Variants in ACAN observed in about 807,000 individuals in gnomAD.
The protein encoded by ACAN is aggrecan core protein.
Under a neutral mutation model 169.1 loss-of-function variants are expected in ACAN, and 47 were observed. The observed-to-expected ratio is 0.28, with a 90% CI of 0.22 to 0.35. ACAN has a LOEUF of 0.35. Ranked by LOEUF, ACAN falls within the 10% of genes least tolerant of loss-of-function variation. The probability of loss-of-function intolerance (pLI) is 1.00; values close to 1 mark genes in which losing one functional copy is unlikely to be tolerated. For missense variants in ACAN, 2,716 were observed against 2,759.9 expected (o/e 0.98, Z 0.36); for synonymous variants, 1,115 against 1,112.2 (o/e 1.00, Z -0.05).
intron 9 of ACAN, 96 bp downstream of exon 9, chr15:88,848,134 A>C: frequency 2.0e-6 from 3 of 1,504,378 alleles, no homozygotes; most frequent in Middle Eastern, 1.8e-4. Context: ...GTTACCACCC[A>C]CCCACCCCTG....
Position 88,843,418 on chromosome 15 carries a change from G to T in ACAN, c.821G>T (p.Arg274Leu). ...FTFQEAANECRRLGARLATTG... is the reference protein window; with the variant it reads ...FTFQEAANECLRLGARLATTG... ...TTCCAGGAAGCAGCCAATGAGTGCCGGCGGCTGGGTGCCCGGCTGGCCACC... is the reference window on the plus strand; with the variant it reads ...TTCCAGGAAGCAGCCAATGAGTGCCTGCGGCTGGGTGCCCGGCTGGCCACC... The change falls in exon 6 of 19, where the codon CGG (arginine) becomes CTG (leucine). Residue 274 changes from arginine to leucine, a missense_variant. This residue lies in a region of ACAN where 1,283 missense variants were observed against 1,281.5 expected (regional missense o/e 1.00). Coordinates refer to ENST00000560601, the MANE Select transcript of ACAN (RefSeq NM_001369268.1). This position sits in a 1 kb window ranked among gnomAD's most constrained non-coding sequence, Gnocchi z 4.0. 6.2e-7 allele frequency: 1 copy of T among 1,604,346 alleles called. No individual in the cohort carries two copies. The highest frequency in any genetic ancestry group is 8.5e-7 in the Non-Finnish European group (1 of 1,172,884).
rs543193177 is a variant in ACAN at position 88,870,377 on chromosome 15, G to T, written c.7061-1005G>T. On this transcript the variant is annotated intron_variant, in intron 14 of 18. Coordinates refer to ENST00000560601, the MANE Select transcript of ACAN (RefSeq NM_001369268.1). This position sits in a 1 kb window ranked among gnomAD's most constrained non-coding sequence, Gnocchi z 6.3. ...AGATCCCAGGGGAAGAAGGAAGAAG[G>T]GGGGCCTTGGAATTCACTCTGTCCC... 1.3e-5 allele frequency among the ~76,000 whole-genome samples: 2 copies of T among 152,344 alleles called. No homozygotes were observed. Among genetic ancestry groups the T allele is most frequent in the East Asian group, 3.9e-4 (2 of 5,176 alleles).
rs1896558229 is a variant in ACAN at position 88,838,358 on chromosome 15, G to C, written c.71-305G>C. Among the ~76,000 whole-genome samples the C allele has an allele frequency of 6.6e-6, 1 of 152,096 alleles. No homozygotes were observed. Among genetic ancestry groups the C allele is most frequent in the African/African-American group, 2.4e-5 (1 of 41,420 alleles). ...TGCCCACTGCAGTACCCCAGTTTGA[G>C]AAACAGGGAGTTGGTCCTGACTCTG... On this transcript the variant is annotated intron_variant, in intron 2 of 18. Coordinates refer to ENST00000560601, the MANE Select transcript of ACAN (RefSeq NM_001369268.1). The surrounding 1 kb of genome is among the most constrained non-coding windows in gnomAD (Gnocchi z 5.1).
At position 88,855,469 on chromosome 15, in the gene ACAN, G is replaced by A. The variant is rs1897033888; in HGVS notation, c.2884G>A (p.Val962Ile). The A allele has an allele frequency of 2.5e-6, 4 of 1,613,348 alleles. No homozygotes were observed. The highest frequency in any genetic ancestry group is 8.5e-7 in the Non-Finnish European group (1 of 1,179,748). ...TCTCAGTGGACTTCCTTCTGGAGAA[G>A]TTCTAGAGACCTCTGCCTCTGGAGT... ...GDLSGLPSGE[V>I]LETSASGVGD... The change falls in exon 12 of 19, where the codon GTT (valine) becomes ATT (isoleucine). Residue 962 changes from valine to isoleucine, a missense_variant. Transcript: ENST00000560601.
rs1203242844 is a variant in ACAN at position 88,874,184 on chromosome 15, T to C, written c.7630+160T>C. On this transcript the variant is annotated intron_variant, in intron 18 of 18. Transcript: ENST00000560601. The surrounding 1 kb of genome is among the most constrained non-coding windows in gnomAD (Gnocchi z 7.3). ...AGTCACAAATAGCTGACCACTGCCC[T>C]TAGAAGGGCCACGTACTTGTCCCAG... The C allele has an allele frequency of 6.4e-6, 7 of 1,097,200 alleles. No homozygotes were observed. The highest frequency in any genetic ancestry group is 2.9e-4 in the Middle Eastern group (1 of 3,504). The allele number at this position is 1,097,200 out of a possible 1,614,324, so 68.0% of individuals were successfully genotyped here.
chr15:88,852,136 C>A, intron 11 of ACAN, 103 bp downstream of exon 11: 1 of 1,463,702 alleles, frequency 6.8e-7, no homozygotes, highest in Non-Finnish European at 9.1e-7. Flanking sequence ...GGGATTTGTG[C>A]TGTTTCCCCA....
rs1026824045 is a variant in ACAN, at chr15:88,803,665, G to C, written c.-152G>C. 1 of 152,044 alleles carries C rather than the reference G, an allele frequency of 6.6e-6. No individual in the cohort carries two copies. The highest frequency in any genetic ancestry group is 1.5e-5 in the Non-Finnish European group (1 of 68,026). 9.4% of individuals were successfully genotyped at this position (152,044 alleles called of 1,614,324 possible). On this transcript the variant is annotated 5_prime_UTR_variant, in exon 1 of 19. Coordinates refer to ENST00000560601, the MANE Select transcript of ACAN (RefSeq NM_001369268.1). ...GAGGGGACCTGCGGACAGGACGCCG[G>C]CAGGAGGAGGGGTGCGCAGCGCCCG... is the stretch of plus-strand genomic sequence containing the variant.
At position 88,871,914 on chromosome 15, in the gene ACAN, C is replaced by A; in HGVS notation, c.7220-89C>A. Reference sequence around the variant, plus strand: ...AGGAGCCCACCCACCTCCTTTCCTCCTCCATCCCCTCTGCCTCCGTGAGCT... The same window carrying A: ...AGGAGCCCACCCACCTCCTTTCCTCATCCATCCCCTCTGCCTCCGTGAGCT... On this transcript the variant is annotated intron_variant, in intron 15 of 18. Transcript: ENST00000560601. The surrounding 1 kb of genome is among the most constrained non-coding windows in gnomAD (Gnocchi z 7.8). 8.3e-7 allele frequency: 1 copy of A among 1,203,698 alleles called. No homozygotes were observed. Among genetic ancestry groups the A allele is most frequent in the Non-Finnish European group, 1.2e-6 (1 of 807,168 alleles). 74.6% of individuals were successfully genotyped at this position (1,203,698 alleles called of 1,614,324 possible). A position where few individuals can be genotyped will look rare whatever the true frequency, so the allele number is the denominator to read the frequency against.
rs1897434413 is a variant in ACAN at position 88,873,649 on chromosome 15, CT to C, written c.7448-192del. On this transcript the variant is annotated intron_variant, in intron 17 of 18. Transcript: ENST00000560601. This position sits in a 1 kb window ranked among gnomAD's most constrained non-coding sequence, Gnocchi z 7.5. ...AGACCACCCCGTTTGTATTCCCTTC[CT>C]GCTGTTCTAAATTGTTGAGGAACCC... 5 of 605,100 alleles carry C rather than the reference CT, an allele frequency of 8.3e-6. No homozygotes were observed. In the South Asian group the frequency reaches 1.0e-4, roughly 13 times the overall value. The allele number at this position is 605,100 out of a possible 1,614,324, so 37.5% of individuals were successfully genotyped here. A position where few individuals can be genotyped will look rare whatever the true frequency, so the allele number is the denominator to read the frequency against.
At chr15:88,826,699 C>T (rs1029819705) in intron 1 of ACAN, among the ~76,000 whole-genome samples, 2 of 152,140 alleles carry the variant, frequency 1.3e-5, no homozygotes, top group Admixed American at 1.3e-4. Flanking sequence ...CTCTCGTGAA[C>T]TAATTAGTGA....
At position 88,873,900 on chromosome 15, in the gene ACAN, C is replaced by G. The variant is rs1414187913; in HGVS notation, c.7506C>G (p.Asp2502Glu). Residue 2502 changes from aspartate (D) to glutamate (E), a missense_variant, in exon 18 of 19, where the codon GAC becomes GAG. Asp to Glu is a conservative substitution (Grantham distance 45). Transcript: ENST00000560601. This position sits in a 1 kb window ranked among gnomAD's most constrained non-coding sequence, Gnocchi z 7.5. ...EHARTFGQKK[D>E]RYEINSLVRY... Reference sequence around the variant, plus strand: ...CCAGGACCTTCGGGCAGAAGAAGGACCGGTATGAGATCAATTCCCTGGTGC... The same window carrying G: ...CCAGGACCTTCGGGCAGAAGAAGGAGCGGTATGAGATCAATTCCCTGGTGC... 1 of 1,613,846 alleles carries G rather than the reference C, an allele frequency of 6.2e-7. No homozygotes were observed. Among genetic ancestry groups the G allele is most frequent in the South Asian group, 1.1e-5 (1 of 91,086 alleles).
intron 1 of ACAN, among the ~76,000 whole-genome samples, chr15:88,830,483 C>T (rs185089382): frequency 7.8e-4 from 118 of 152,254 alleles, no homozygotes; most frequent in African/African-American, 2.7e-3. Flanking sequence ...ACCTAGTGCT[C>T]CTAGGTGACA....
chr15:88,854,785 CA>C, intron 11 of ACAN, 66 bp from the exon 12 acceptor site: 1 of 1,349,520 alleles, frequency 7.4e-7, no homozygotes, highest in South Asian at 2.3e-5. Context: ...TTAGATTCTA[CA>C]TTTGAGCTTA....
chr15:88,830,871 A>G (rs7166268), intron 1 of ACAN, among the ~76,000 whole-genome samples: 93,785 of 151,464 alleles, frequency 0.62, 29,392 homozygotes, highest in Middle Eastern at 0.73. Context: ...ATGACGCTAC[A>G]ACGGCTGCAG....
rs764588967 is a variant in ACAN at position 88,845,805 on chromosome 15, G to C, written c.1352G>C (p.Gly451Ala). 9.7e-5 allele frequency: 151 copies of C among 1,562,186 alleles called. No homozygotes were observed. Among genetic ancestry groups the C allele is most frequent in the Non-Finnish European group, 1.3e-4 (149 of 1,153,542 alleles). Residue 451 changes from glycine to alanine, a missense_variant, in exon 7 of 19, where the codon GGC becomes GCC. Coordinates refer to ENST00000560601, the MANE Select transcript of ACAN (RefSeq NM_001369268.1). The part of the protein sequence containing the change: ...RPWGFPTPGL[G>A]PATAFTSEDL... ...TGGGGCTTTCCCACACCTGGCCTGG[G>C]CCCTGCCACGGCATTCACCAGTGAG...
In ACAN at chr15:88,868,737, G is replaced by C. The variant is rs16942400; in HGVS notation, c.7060+408G>C. Among the ~76,000 whole-genome samples the C allele has an allele frequency of 0.03, 4,537 of 152,242 alleles. 201 individuals are homozygous for C. Among genetic ancestry groups the C allele is most frequent in the African/African-American group, 0.1 (4,237 of 41,508 alleles). ...GTGGTCATGGGCATGGGACCTTTGT[G>C]GTTCCTTCATGGCCCTGGGAGCCAC... is the stretch of plus-strand genomic sequence containing the variant. On this transcript the variant is annotated intron_variant, in intron 14 of 18. Coordinates refer to ENST00000560601, the MANE Select transcript of ACAN (RefSeq NM_001369268.1). This position sits in a 1 kb window ranked among gnomAD's most constrained non-coding sequence, Gnocchi z 5.2.
rs3743398 is a variant in ACAN, at chr15:88,855,176, C to T, written c.2591C>T (p.Pro864Leu). 0.18 allele frequency: 290,124 copies of T among 1,607,782 alleles called. 28,870 individuals carry two copies. Among genetic ancestry groups the T allele is most frequent in the Non-Finnish European group, 0.21 (241,394 of 1,176,020 alleles). ...LPSSGEESGA[P>L]DVSGDFTGSG... is the part of the protein sequence containing the mutation. Reference sequence around the variant, plus strand: ...AGCTCTGGGGAGGAATCTGGGGCCCCTGATGTCAGTGGTGACTTCACAGGC... The same window carrying T: ...AGCTCTGGGGAGGAATCTGGGGCCCTTGATGTCAGTGGTGACTTCACAGGC... Residue 864 changes from proline (P) to leucine (L), a missense_variant, in exon 12 of 19, where the codon CCT becomes CTT. Around this residue, in one of 3 missense-constraint regions of ACAN, gnomAD observed 1,283 missense variants for 1,281.5 expected, o/e 1.00. Transcript: ENST00000560601.
chr15:88,862,545 G>T (rs1897215763), intron 13 of ACAN, among the ~76,000 whole-genome samples: 1 of 152,092 alleles, frequency 6.6e-6, no homozygotes, highest in Non-Finnish European at 1.5e-5. Context: ...ACAAAACCTG[G>T]GTCTCTTTTC....
At chr15:88,863,330 A>G (rs372224759) in intron 13 of ACAN, among the ~76,000 whole-genome samples, 8 of 152,322 alleles carry the variant, frequency 5.3e-5, no homozygotes, top group East Asian at 1.9e-4. Flanking sequence ...ATTAGGCTTC[A>G]GACTCTAAGG....
Sources: allele counts gnomAD v4.1 joint callset (sites outside exome capture counted in the v4.1 genomes callset), GRCh38; gene constraint gnomAD v4.1.1; regional missense constraint gnomAD v4.1.1; non-coding constraint Gnocchi (gnomAD v3.1); transcripts MANE v1.5; gene names NCBI Gene and HGNC (gene_info 2026-07-23, HGNC 2026-07-21).